The following NEBL variants were observed in gnomAD, a reference collection of about 807,000 sequenced individuals.
The protein encoded by NEBL is nebulette, also known as LIM and SH3 protein 2.
In NEBL, 122 loss-of-function variants were observed where a neutral mutation model predicts 140.2. That is an observed-to-expected ratio of 0.87 (90% CI 0.75 to 1.01). The LOEUF (loss-of-function observed/expected upper bound fraction) is 1.01, where lower values mean the gene tolerates loss of function less well. NEBL is among the 50% of genes least tolerant of loss of function. The pLI is 0.00. For missense variants in NEBL, 1,365 were observed against 1,231.3 expected, an observed-to-expected ratio of 1.11 and a Z score of -1.62; for synonymous variants, 436 against 398.9, an observed-to-expected ratio of 1.09 and a Z score of -1.11.
At chr10:21,154,248 C>A (rs1357485974) in intron 2 of NEBL, among the ~76,000 whole-genome samples, 1 of 151,982 alleles carries the variant, frequency 6.6e-6, no homozygotes, top group Non-Finnish European at 1.5e-5. Context: ...CACCTGAGGT[C>A]AGGAGTTCGA....
At chr10:20,856,631 T>C (rs888497120) in intron 9 of NEBL, among the ~76,000 whole-genome samples, 13 of 152,052 alleles carry the variant, frequency 8.5e-5, no homozygotes, top group Non-Finnish European at 1.2e-4. Context: ...AATAGAGGAA[T>C]GTAAAAAGAG....
intron 2 of NEBL, among the ~76,000 whole-genome samples, chr10:21,075,194 A>T (rs955800535): frequency 3.3e-5 from 5 of 152,162 alleles, no homozygotes; most frequent in Non-Finnish European, 7.3e-5. Flanking sequence ...AGAATGGCAA[A>T]CCCACGGTGG....
intron 2 of NEBL, among the ~76,000 whole-genome samples, chr10:21,042,823 C>T (rs1834333552): frequency 1.3e-5 from 2 of 152,226 alleles, no homozygotes; most frequent in African/African-American, 4.8e-5. Context: ...AAGAAGTACA[C>T]ATTCATTTTG....
At chr10:20,926,646 G>T (rs1833927096) in intron 4 of NEBL, among the ~76,000 whole-genome samples, 1 of 152,170 alleles carries the variant, frequency 6.6e-6, no homozygotes, top group Admixed American at 6.5e-5. Context: ...GAATAGCCAG[G>T]GAGGGATTTT....
rs963457620 is a variant in NEBL at position 21,139,516 on chromosome 10, T to C, written c.164+32867A>G. The stretch of plus-strand genomic sequence containing the variant: ...CATCTGAAGGGTGTGGACCACTATC[T>C]GTTGTCAAAGAAATTATATGAGGTT... On this transcript the variant is annotated intron_variant, in intron 2 of 6. Transcript: ENST00000417816. 3.2e-4 allele frequency among the ~76,000 whole-genome samples: 49 copies of C among 152,150 alleles called. 1 individual carries two copies.
chr10:21,063,952 T>C (rs1171434764), intron 2 of NEBL, among the ~76,000 whole-genome samples: 1 of 150,242 alleles, frequency 6.7e-6, no homozygotes, highest in Non-Finnish European at 1.5e-5. Context: ...TGTGCCTGGG[T>C]TCCTAGCTAC....
intron 3 of NEBL, among the ~76,000 whole-genome samples, chr10:20,983,227 T>C (rs17811177): frequency 3.9e-5 from 6 of 152,208 alleles, no homozygotes; most frequent in Non-Finnish European, 7.3e-5. Flanking sequence ...TGCTGAGACT[T>C]TACGATTCAT....
At position 20,828,544 on chromosome 10, in the gene NEBL, G is replaced by A; in HGVS notation, c.1762C>T (p.Gln588Ter). The change falls in exon 17 of 28, where the codon CAA (glutamine) becomes TAA (stop). Residue 588 changes from glutamine (Q) to a stop codon, truncating the protein, a stop_gained. Coordinates refer to ENST00000377122, the MANE Select transcript of NEBL (RefSeq NM_006393.3). LOFTEE classifies it high-confidence loss of function. Reference sequence around the variant, plus strand: ...TGGCTACTCACCGCACTAATGTTTTGTTGAGTTGTCTTAATTCTCTGAATT... The same window carrying A: ...TGGCTACTCACCGCACTAATGTTTTATTGAGTTGTCTTAATTCTCTGAATT... Reference protein sequence around the residue: ...PEIQRIKTTQQNISAVFYKKE... With the variant: ...PEIQRIKTTQ The A allele has an allele frequency of 1.3e-6, 2 of 1,584,786 alleles. No homozygotes were observed. The highest frequency in any genetic ancestry group is 1.7e-6 in the Non-Finnish European group (2 of 1,153,794).
intron 2 of NEBL, among the ~76,000 whole-genome samples, chr10:21,158,330 T>C (rs1840415049): frequency 2.0e-5 from 3 of 152,196 alleles, no homozygotes; most frequent in Non-Finnish European, 4.4e-5. Flanking sequence ...GAATAGGCAA[T>C]AGTAATAATA....
chr10:20,829,767 C>G (rs367637517), intron 16 of NEBL, among the ~76,000 whole-genome samples: 195 of 152,216 alleles, frequency 1.3e-3, no homozygotes, highest in African/African-American at 4.6e-3. Context: ...GGAAATCTGA[C>G]AGCTCAGGCA....
chr10:21,172,818 A>T (rs1030521700), intron 1 of NEBL, among the ~76,000 whole-genome samples: 15 of 152,172 alleles, frequency 9.9e-5, no homozygotes, highest in Non-Finnish European at 1.9e-4. Flanking sequence ...CTTCGAAACC[A>T]AAAGGAATCC....
chr10:21,182,205 C>T (rs1215837757), intron 3 of NEBL, among the ~76,000 whole-genome samples: 1 of 150,832 alleles, frequency 6.6e-6, no homozygotes, highest in Non-Finnish European at 1.5e-5. Context: ...GGCACGGTGG[C>T]TCACACCTGT....
chr10:21,155,178 G>A (rs953243581), intron 2 of NEBL, among the ~76,000 whole-genome samples: 5 of 152,058 alleles, frequency 3.3e-5, no homozygotes, highest in Non-Finnish European at 5.9e-5. Flanking sequence ...CAGCCTCGGC[G>A]ACAGAGCAAG....
In NEBL at chr10:20,930,269, A is replaced by C. The variant is rs192790628; in HGVS notation, c.357+31403T>G. On this transcript the variant is annotated intron_variant, in intron 4 of 6. Coordinates refer to the NEBL transcript ENST00000417816. ...TCTAGGAGACGTTCTTGTTTTCCCTACTCCCTCATTACAAACATTTCATCC... is the reference window on the plus strand; with the variant it reads ...TCTAGGAGACGTTCTTGTTTTCCCTCCTCCCTCATTACAAACATTTCATCC... Among the ~76,000 whole-genome samples the C allele has an allele frequency of 1.1e-4, 17 of 151,858 alleles. No individual in the cohort carries two copies. In the East Asian group the frequency reaches 2.7e-3, roughly 24 times the overall value.
chr10:21,132,953 T>G (rs963700441), intron 2 of NEBL, among the ~76,000 whole-genome samples: 1 of 152,232 alleles, frequency 6.6e-6, no homozygotes, highest in African/African-American at 2.4e-5. Flanking sequence ...CTTGAGAGTG[T>G]CCTTGAAGGA....
At chr10:20,919,516 A>G (rs1030844119) in intron 4 of NEBL, among the ~76,000 whole-genome samples, 5 of 152,258 alleles carry the variant, frequency 3.3e-5, no homozygotes, top group Non-Finnish European at 7.3e-5. Flanking sequence ...CTCCTGAAAC[A>G]TTAACCGATA....
At chr10:20,831,041 C>A (rs530952521) in intron 16 of NEBL, 155 bp downstream of exon 16, 4 of 663,128 alleles carry the variant, frequency 6.0e-6, no homozygotes, top group South Asian at 3.3e-5. Flanking sequence ...TTAATTAGTA[C>A]GGTTAATCAA....
chr10:21,164,147 A>T (rs769650456), intron 2 of NEBL, among the ~76,000 whole-genome samples: 1 of 152,218 alleles, frequency 6.6e-6, no homozygotes, highest in Non-Finnish European at 1.5e-5. Context: ...TTCCTAAAAC[A>T]TTCTGGGTAC....
At position 21,173,938 on chromosome 10, in the gene NEBL, T is replaced by TGCGGGCG. The variant is rs1299547034; in HGVS notation, c.-112_-106dup. ...ACCGCCTCCTGGCAGGCGGGAGGGC[T>TGCGGGCG]GCGGGCGGCGGGCGCCGGGTAGGGA... On this transcript the variant is annotated 5_prime_UTR_variant, in exon 1 of 7. Coordinates refer to the NEBL transcript ENST00000417816. The surrounding 1 kb of genome is among the most constrained non-coding windows in gnomAD (Gnocchi z 5.7). The TGCGGGCG allele has an allele frequency of 2.2e-5, 31 of 1,400,520 alleles. No homozygotes were observed. The African/African-American group carries it at 3.4e-4, about 15-fold the overall frequency. The allele number at this position is 1,400,520 out of a possible 1,614,324, so 86.8% of individuals were successfully genotyped here.
Sources: gnomAD v4.1 joint callset for allele counts (sites outside exome capture counted in the v4.1 genomes callset) on GRCh38, gnomAD v4.1.1 for gene constraint, Gnocchi (gnomAD v3.1) non-coding constraint, MANE v1.5 for transcripts, NCBI Gene and HGNC (gene_info 2026-07-23, HGNC 2026-07-21) for gene names.